Variants in DNAI4 observed in about 807,000 individuals in gnomAD.
DNAI4 encodes dynein axonemal intermediate chain 4.
Under a neutral mutation model 105.8 loss-of-function variants are expected in DNAI4, and 85 were observed. The ratio of observed to expected loss-of-function variants is 0.80; its 90% confidence interval spans 0.67 to 0.96. DNAI4 has a LOEUF of 0.96. Among genes scored for constraint, DNAI4 ranks in the 40% least tolerant of loss-of-function variants. DNAI4 has a pLI of 0.00. For missense variants in DNAI4, 1,014 were observed against 1,005.6 expected, an observed-to-expected ratio of 1.01 and a Z score of -0.11; for synonymous variants, 352 against 331.5, an observed-to-expected ratio of 1.06 and a Z score of -0.67.
chr1:66,857,108 A>G (rs910294182), intron 7 of DNAI4, among the ~76,000 whole-genome samples: 1 of 152,032 alleles, frequency 6.6e-6, no homozygotes, highest in African/African-American at 2.4e-5. Flanking sequence ...AAGAACATTT[A>G]AAATTGCCAG....
At chr1:66,924,187 T>G (rs2100934899) in intron 1 of DNAI4, among the ~76,000 whole-genome samples, 1 of 152,334 alleles carries the variant, frequency 6.6e-6, no homozygotes, top group Non-Finnish European at 1.5e-5. Context: ...TATCTTATTT[T>G]TTAGACAGAG....
intron 6 of DNAI4, among the ~76,000 whole-genome samples, chr1:66,868,402 T>C (rs961706221): frequency 1.3e-5 from 2 of 152,184 alleles, no homozygotes; most frequent in African/African-American, 4.8e-5. Flanking sequence ...TCTGGGTGTA[T>C]CTGTGAGGGT....
intron 3 of DNAI4, 108 bp downstream of exon 3, chr1:66,893,121 G>GAAAGAAAGAAAGAAAC (rs1352348435): frequency 6.3e-5 from 33 of 527,542 alleles, no homozygotes; most frequent in Non-Finnish European, 8.9e-5. Flanking sequence ...AAGAAAGAAA[G>GAAAGAAAGAAAGAAAC]AAACTGGGAG....
chr1:66,877,401 A>G (rs1224477239), intron 4 of DNAI4, among the ~76,000 whole-genome samples: 1 of 152,190 alleles, frequency 6.6e-6, no homozygotes, highest in Admixed American at 6.5e-5. Flanking sequence ...CTCAAACTTT[A>G]CCCTGCAACA....
chr1:66,818,476 T>C (rs923543930), intron 16 of DNAI4, among the ~76,000 whole-genome samples: 61 of 152,218 alleles, frequency 4.0e-4, no homozygotes, highest in African/African-American at 1.4e-3. Context: ...AAAAAGAGAA[T>C]AACAAAATAT....
At chr1:66,924,635 A>C in intron 1 of DNAI4, 27 bp downstream of exon 1, 2 of 1,614,202 alleles carry the variant, frequency 1.2e-6, no homozygotes, top group South Asian at 1.1e-5. Context: ...AGGGGGATGG[A>C]CTACGGTTTT....
intron 1 of DNAI4, among the ~76,000 whole-genome samples, chr1:66,913,670 G>T (rs1272545861): frequency 6.6e-6 from 1 of 152,144 alleles, no homozygotes; most frequent in Non-Finnish European, 1.5e-5. Context: ...GACCTCTGGA[G>T]AGAGAAACTG....
In DNAI4 at chr1:66,865,202, C is replaced by T. The variant is rs269394; in HGVS notation, c.941-2900G>A. On this transcript the variant is annotated intron_variant, in intron 6 of 16. Coordinates refer to ENST00000371026, the MANE Select transcript of DNAI4 (RefSeq NM_024763.5). The stretch of plus-strand genomic sequence containing the variant: ...CTTTGGGAGAATGAGGCAGGCAGAT[C>T]ACTTGAGGTCAGGAGTTTGAGACCA... 7.3e-3 allele frequency among the ~76,000 whole-genome samples: 1,104 copies of T among 152,222 alleles called. 11 individuals carry two copies. Among genetic ancestry groups the T allele is most frequent in the African/African-American group, 0.026 (1,060 of 41,514 alleles).
chr1:66,874,187 C>A (rs1327081323), intron 5 of DNAI4, among the ~76,000 whole-genome samples: 1 of 151,842 alleles, frequency 6.6e-6, no homozygotes, highest in Non-Finnish European at 1.5e-5. Flanking sequence ...ATAAAGGGGT[C>A]AATTCTTCAT....
chr1:66,862,323 G>A (rs764640180), intron 6 of DNAI4, 21 bp from the exon 7 acceptor site: 1 of 1,593,270 alleles, frequency 6.3e-7, no homozygotes, highest in Non-Finnish European at 8.5e-7. Flanking sequence ...ACACAGAAAG[G>A]TAAAAATTGT....
intron 4 of DNAI4, among the ~76,000 whole-genome samples, chr1:66,877,216 A>T (rs72671682): frequency 0.14 from 21,539 of 152,106 alleles, 1,662 homozygotes; most frequent in Middle Eastern, 0.21. Context: ...AAAGCAGTTT[A>T]TTCTTCCTCC....
intron 4 of DNAI4, among the ~76,000 whole-genome samples, chr1:66,878,887 T>G (rs2100698131): frequency 6.6e-6 from 1 of 152,298 alleles, no homozygotes; most frequent in Middle Eastern, 3.4e-3. Flanking sequence ...TCTTATAGCC[T>G]CTACTCATTT....
intron 13 of DNAI4, among the ~76,000 whole-genome samples, chr1:66,831,033 A>T (rs1645856733): frequency 6.6e-6 from 1 of 151,000 alleles, no homozygotes; most frequent in African/African-American, 2.4e-5. Flanking sequence ...CAACTGTTAA[A>T]GGATGCTAAG....
chr1:66,832,121 C>A (rs539401403), intron 13 of DNAI4, among the ~76,000 whole-genome samples: 7 of 152,096 alleles, frequency 4.6e-5, no homozygotes, highest in Non-Finnish European at 8.8e-5. Context: ...TGTTCCCTAA[C>A]GGGAAAATTC....
chr1:66,818,635 T>C (rs1645564907), intron 16 of DNAI4, among the ~76,000 whole-genome samples: 1 of 152,126 alleles, frequency 6.6e-6, no homozygotes, highest in Non-Finnish European at 1.5e-5. Context: ...AAGAAATAAA[T>C]TGGCCAGGTG....
intron 4 of DNAI4, among the ~76,000 whole-genome samples, chr1:66,888,896 T>C (rs980825296): frequency 2.6e-5 from 4 of 152,180 alleles, no homozygotes; most frequent in Non-Finnish European, 5.9e-5. Context: ...GCAAATCCTT[T>C]GAAGAGTTAG....
At chr1:66,904,483 T>A (rs1370827407) in intron 2 of DNAI4, among the ~76,000 whole-genome samples, 1 of 152,184 alleles carries the variant, frequency 6.6e-6, no homozygotes, top group Non-Finnish European at 1.5e-5. Flanking sequence ...GTTTATCTAC[T>A]CTGGTGAAGT....
At chr1:66,912,346 G>C (rs1413295502) in intron 1 of DNAI4, among the ~76,000 whole-genome samples, 1 of 151,962 alleles carries the variant, frequency 6.6e-6, no homozygotes, top group Non-Finnish European at 1.5e-5. Flanking sequence ...GGACACACCT[G>C]TAATCCCAGC....
At chr1:66,873,101 T>C (rs1646882607) in intron 5 of DNAI4, among the ~76,000 whole-genome samples, 1 of 152,136 alleles carries the variant, frequency 6.6e-6, no homozygotes, top group South Asian at 2.1e-4. Context: ...TATCTGATAA[T>C]ATAATTATCT....
Sources: gnomAD v4.1 joint callset for allele counts (sites outside exome capture counted in the v4.1 genomes callset) on GRCh38, gnomAD v4.1.1 for gene constraint, MANE v1.5 for transcripts, NCBI Gene and HGNC (gene_info 2026-07-23, HGNC 2026-07-21) for gene names.